The following DCDC2C variants were observed in gnomAD, a reference collection of about 807,000 sequenced individuals.
DCDC2C encodes doublecortin domain containing 2C.
In DCDC2C, 44 loss-of-function variants were observed where a neutral mutation model predicts 45.0. The ratio of observed to expected loss-of-function variants is 0.98; its 90% CI spans 0.77 to 1.26. DCDC2C has a LOEUF of 1.26. DCDC2C is among the 50% of genes most tolerant of loss of function. The pLI is 0.00. For missense variants in DCDC2C, 447 were observed against 468.9 expected (o/e 0.95, Z 0.43); for synonymous variants, 187 against 178.8 (o/e 1.05, Z -0.37).
intron 10 of DCDC2C, among the ~76,000 whole-genome samples, chr2:3,819,533 G>T (rs764496919): frequency 4.6e-5 from 7 of 152,200 alleles, no homozygotes. Context: ...ATTAACTCCC[G>T]TTGTGGGGTT....
At chr2:3,709,046 G>A (rs184660993) in intron 2 of DCDC2C, among the ~76,000 whole-genome samples, 70 of 152,202 alleles carry the variant, frequency 4.6e-4, no homozygotes, top group Admixed American at 1.5e-3. Context: ...CCATCACACC[G>A]TTCTTATCAT....
intron 10 of DCDC2C, 32 bp downstream of exon 10, chr2:3,785,132 C>A: frequency 8.1e-7 from 1 of 1,230,656 alleles, no homozygotes; most frequent in Non-Finnish European, 1.0e-6. Flanking sequence ...TGTAGTTTTG[C>A]GTTTTCTATT....
chr2:3,820,821 G>T (rs1462641084), intron 10 of DCDC2C, among the ~76,000 whole-genome samples: 1 of 152,162 alleles, frequency 6.6e-6, no homozygotes, highest in Non-Finnish European at 1.5e-5. Flanking sequence ...ATTTGAAATT[G>T]GTGAGATGTT....
rs1671611231 is a variant in DCDC2C, at chr2:3,818,680, G to T, written c.1066-28474G>T. On this transcript the variant is annotated intron_variant, in intron 10 of 10. Transcript: ENST00000399143. The surrounding 1 kb of genome is among the most constrained non-coding windows in gnomAD (Gnocchi z 4.7). Reference sequence around the variant, plus strand: ...GTGTTCAGTGGGGTAAGGGTGATTAGGTTTTAAAGGGATGGTAAGGGGTGC... The same window carrying T: ...GTGTTCAGTGGGGTAAGGGTGATTATGTTTTAAAGGGATGGTAAGGGGTGC... 6.6e-6 allele frequency among the ~76,000 whole-genome samples: 1 copy of T among 152,076 alleles called. No individual in the cohort carries two copies. The highest frequency in any genetic ancestry group is 2.4e-5 in the African/African-American group (1 of 41,376).
At chr2:3,728,723 A>C (rs926545736) in intron 3 of DCDC2C, among the ~76,000 whole-genome samples, 2 of 152,238 alleles carry the variant, frequency 1.3e-5, no homozygotes, top group African/African-American at 4.8e-5. Flanking sequence ...AAAAACACAT[A>C]AACAGTAGTT....
At chr2:3,777,289 T>G (rs1163381020) in intron 8 of DCDC2C, among the ~76,000 whole-genome samples, 1 of 152,270 alleles carries the variant, frequency 6.6e-6, no homozygotes, top group Non-Finnish European at 1.5e-5. Flanking sequence ...ATTCTCTTTC[T>G]GTTCCATGTA....
chr2:3,760,850 A>T (rs1282681523), intron 6 of DCDC2C, among the ~76,000 whole-genome samples: 1 of 151,860 alleles, frequency 6.6e-6, no homozygotes, highest in Non-Finnish European at 1.5e-5. Context: ...TAAAATAAAA[A>T]AAAAGCCCAT....
intron 2 of DCDC2C, among the ~76,000 whole-genome samples, chr2:3,715,030 T>A (rs1249233444): frequency 6.6e-6 from 1 of 152,228 alleles, no homozygotes; most frequent in Non-Finnish European, 1.5e-5. Context: ...CCACTGTTTT[T>A]CCATATGCTT....
chr2:3,762,133 C>G (rs1413222026), intron 6 of DCDC2C, among the ~76,000 whole-genome samples: 1 of 148,578 alleles, frequency 6.7e-6, no homozygotes, highest in Non-Finnish European at 1.5e-5. Flanking sequence ...CCATGGATTC[C>G]TGCTTGATCC....
chr2:3,744,494 G>A (rs1179714982), intron 4 of DCDC2C, among the ~76,000 whole-genome samples: 3 of 152,184 alleles, frequency 2.0e-5, no homozygotes, highest in South Asian at 2.1e-4. Context: ...CTGAGAAGGC[G>A]CAGGGGAGAT....
Position 3,785,112 on chromosome 2 carries a change from CA to C in DCDC2C, c.1065+14del, listed in dbSNP as rs1217959464. 8.1e-7 allele frequency: 1 copy of C among 1,231,564 alleles called. No individual in the cohort carries two copies. Among genetic ancestry groups the C allele is most frequent in the African/African-American group, 1.6e-5 (1 of 64,432 alleles). 76.3% of individuals were successfully genotyped at this position (1,231,564 alleles called of 1,614,324 possible). A position where few individuals can be genotyped will look rare whatever the true frequency, so the allele number is the denominator to read the frequency against. ...ACGTTGAAAGAAAGGTTTGTATCAACAACAAATGCTGTAGTTTTGCGTTTTC... is the reference window on the plus strand; with the variant it reads ...ACGTTGAAAGAAAGGTTTGTATCAACACAAATGCTGTAGTTTTGCGTTTTC... On this transcript the variant is annotated intron_variant, in intron 10 of 10. Coordinates refer to ENST00000399143, the MANE Select transcript of DCDC2C (RefSeq NM_001287444.2).
At chr2:3,795,360 T>C (rs1320122736) in intron 10 of DCDC2C, among the ~76,000 whole-genome samples, 1 of 127,206 alleles carries the variant, frequency 7.9e-6, no homozygotes, top group African/African-American at 2.9e-5. Flanking sequence ...TGCAGAAGGC[T>C]CTTTAGTTTA....
Position 3,818,941 on chromosome 2 carries a change from G to T in DCDC2C, c.1066-28213G>T, listed in dbSNP as rs777940747. Among the ~76,000 whole-genome samples the T allele has an allele frequency of 2.6e-5, 4 of 152,166 alleles. No homozygotes were observed. Among genetic ancestry groups the T allele is most frequent in the African/African-American group, 9.7e-5 (4 of 41,422 alleles). On this transcript the variant is annotated intron_variant, in intron 10 of 10. Transcript: ENST00000399143. The surrounding 1 kb of genome is among the most constrained non-coding windows in gnomAD (Gnocchi z 4.7). ...GAGTGCATAAAAGAATATTGTTTAC[G>T]TTGGCACCAGAGTTGTGGAGTTTTA...
At position 3,752,906 on chromosome 2, in the gene DCDC2C, C is replaced by T. The variant is rs357968; in HGVS notation, c.683+6C>T. 0.53 allele frequency: 814,672 copies of T among 1,549,262 alleles called. 221,563 individuals are homozygous for T. The highest frequency in any genetic ancestry group is 0.72 in the East Asian group (29,300 of 40,902). ...GTGCCCAGTGAGGTCCAACAGTGAG[C>T]ATGCTTCGTACCTTTCTTTCCTGAG... On this transcript the variant is annotated splice_donor_region_variant and intron_variant, in intron 5 of 10. Coordinates refer to ENST00000399143, the MANE Select transcript of DCDC2C (RefSeq NM_001287444.2).
chr2:3,714,872 T>C (rs1668310431), intron 2 of DCDC2C, among the ~76,000 whole-genome samples: 1 of 152,234 alleles, frequency 6.6e-6, no homozygotes, highest in Admixed American at 6.5e-5. Flanking sequence ...GTTTGCCGTT[T>C]GCTGTTGACC....
chr2:3,704,952 T>C (rs982040869), intron 1 of DCDC2C, among the ~76,000 whole-genome samples: 4 of 152,172 alleles, frequency 2.6e-5, no homozygotes, highest in African/African-American at 9.7e-5. Flanking sequence ...CTCTCCTGAT[T>C]CTCTGTTTCC....
chr2:3,846,316 G>C (rs1437070833), intron 10 of DCDC2C, among the ~76,000 whole-genome samples: 4 of 150,448 alleles, frequency 2.7e-5, no homozygotes, highest in African/African-American at 9.8e-5. Flanking sequence ...GTCTCACTCT[G>C]TCGCTCAGGC....
intron 10 of DCDC2C, among the ~76,000 whole-genome samples, chr2:3,794,131 A>G (rs1194094408): frequency 6.6e-6 from 1 of 152,200 alleles, no homozygotes; most frequent in Admixed American, 6.5e-5. Context: ...ATTTTTACCC[A>G]TGCAGCATTT....
chr2:3,722,993 A>G (rs1668538976), intron 2 of DCDC2C, among the ~76,000 whole-genome samples: 2 of 152,192 alleles, frequency 1.3e-5, no homozygotes, highest in African/African-American at 4.8e-5. Flanking sequence ...GCAGGTGTAT[A>G]TAATTTTATA....
Sources: gnomAD v4.1 joint callset for allele counts (sites outside exome capture counted in the v4.1 genomes callset) on GRCh38, gnomAD v4.1.1 for gene constraint, Gnocchi (gnomAD v3.1) non-coding constraint, MANE v1.5 for transcripts, NCBI Gene and HGNC (gene_info 2026-07-23, HGNC 2026-07-21) for gene names.